The following SETBP1 variants were observed in gnomAD, a reference collection of about 807,000 sequenced individuals.
SETBP1 encodes SET-binding protein.
SETBP1 carries 9 observed loss-of-function variants against 101.0 expected under a neutral mutation model. The observed-to-expected ratio is 0.09, with a 90% CI of 0.05 to 0.16. The LOEUF (loss-of-function observed/expected upper bound fraction) is 0.16. Among genes scored for constraint, SETBP1 ranks in the 10% least tolerant of loss-of-function variants. The probability of loss-of-function intolerance (pLI) is 1.00; values close to 1 mark genes in which losing one functional copy is unlikely to be tolerated. For missense variants in SETBP1, 1,858 were observed against 2,033.8 expected (o/e 0.91, Z 1.66); for synonymous variants, 818 against 788.5 (o/e 1.04, Z -0.63).
intron 3 of SETBP1, among the ~76,000 whole-genome samples, chr18:44,914,082 TG>T (rs1301963522): frequency 9.2e-5 from 14 of 152,338 alleles, no homozygotes; most frequent in African/African-American, 3.4e-4. Context: ...GTAGAATATC[TG>T]GAGCTGCAGA....
intron 1 of SETBP1, among the ~76,000 whole-genome samples, chr18:44,692,564 T>C (rs1048607431): frequency 4.6e-5 from 7 of 152,122 alleles, no homozygotes; most frequent in African/African-American, 1.7e-4. Flanking sequence ...TCATGGAGCT[T>C]GTGGTCTAGT....
chr18:44,878,813 T>C (rs1251857540), intron 3 of SETBP1, among the ~76,000 whole-genome samples: 1 of 152,118 alleles, frequency 6.6e-6, no homozygotes, highest in East Asian at 1.9e-4. Flanking sequence ...AAGACATCCA[T>C]TGAGAGGTGT....
chr18:44,868,669 AG>A (rs1342255633), intron 2 of SETBP1, among the ~76,000 whole-genome samples: 13 of 95,056 alleles, frequency 1.4e-4, no homozygotes, highest in African/African-American at 5.9e-4. Flanking sequence ...TACTCCAGCG[AG>A]AGAGAGAGAG....
intron 4 of SETBP1, among the ~76,000 whole-genome samples, chr18:44,959,553 A>G (rs1273796332): frequency 2.0e-5 from 3 of 152,212 alleles, no homozygotes; most frequent in Non-Finnish European, 4.4e-5. Context: ...CAAAGAGACT[A>G]CAATCCAGGA....
intron 3 of SETBP1, among the ~76,000 whole-genome samples, chr18:44,896,653 G>A (rs2069909893): frequency 6.6e-6 from 1 of 151,926 alleles, no homozygotes; most frequent in Non-Finnish European, 1.5e-5. Context: ...CCACATCCAA[G>A]TAATTTTTGT....
chr18:44,951,770 C>T lies in SETBP1; in HGVS notation c.2430C>T (p.Pro810=). ...TGAAAACTATGCCAAATCTCCAGCCCATCAGTGCTCTTCCAACCAAAACCC... is the reference window on the plus strand; with the variant it reads ...TGAAAACTATGCCAAATCTCCAGCCTATCAGTGCTCTTCCAACCAAAACCC... ...SELKTMPNLQ[P]ISALPTKTQK... is the part of the protein sequence containing the mutation. The change falls in exon 4 of 6, where the codon CCC becomes CCT. Residue 810 remains proline, a synonymous_variant. Coordinates refer to ENST00000649279, the MANE Select transcript of SETBP1 (RefSeq NM_015559.3). This position sits in a 1 kb window ranked among gnomAD's most constrained non-coding sequence, Gnocchi z 7.8. The T allele has an allele frequency of 6.2e-7, 1 of 1,614,118 alleles. No homozygotes were observed. The highest frequency in any genetic ancestry group is 1.1e-5 in the South Asian group (1 of 91,070).
chr18:44,927,937 A>G (rs2070741059), intron 3 of SETBP1, among the ~76,000 whole-genome samples: 1 of 152,104 alleles, frequency 6.6e-6, no homozygotes, highest in South Asian at 2.1e-4. Context: ...ATGACATTAT[A>G]TATATAATTA....
rs556501655 is a variant in SETBP1, at chr18:45,049,819, G to T, written c.4171+11164G>T. 7.9e-5 allele frequency among the ~76,000 whole-genome samples: 12 copies of T among 152,268 alleles called. No individual in the cohort carries two copies. In the South Asian group the frequency reaches 2.3e-3, roughly 29 times the overall value. On this transcript the variant is annotated intron_variant, in intron 5 of 5. Transcript: ENST00000649279. ...GTTATTTAATTATGGAATTTAGGGG[G>T]TTGGAAAAGGCCTTCGAGATGGTGA...
intron 2 of SETBP1, among the ~76,000 whole-genome samples, chr18:44,819,572 G>T (rs1242882458): frequency 6.6e-6 from 1 of 152,166 alleles, no homozygotes; most frequent in Non-Finnish European, 1.5e-5. Context: ...GAGGACACTA[G>T]ATCCTCAGAG....
chr18:44,793,043 T>A (rs962791424), intron 2 of SETBP1, among the ~76,000 whole-genome samples: 1 of 152,160 alleles, frequency 6.6e-6, no homozygotes, highest in Non-Finnish European at 1.5e-5. Context: ...GAAGAAAGTC[T>A]CCCTGACTAT....
chr18:44,955,981 A>G (rs2071472350), intron 4 of SETBP1, among the ~76,000 whole-genome samples: 1 of 152,206 alleles, frequency 6.6e-6, no homozygotes, highest in Non-Finnish European at 1.5e-5. Flanking sequence ...CACCATGGAC[A>G]GAGCTTCCAC....
chr18:44,916,958 C>T (rs1038958173), intron 3 of SETBP1, among the ~76,000 whole-genome samples: 11 of 152,236 alleles, frequency 7.2e-5, no homozygotes, highest in Non-Finnish European at 8.8e-5. Context: ...TAAGCCGCTT[C>T]CCTGGTTTCC....
At chr18:44,842,095 A>G (rs2072629756) in intron 2 of SETBP1, among the ~76,000 whole-genome samples, 1 of 152,210 alleles carries the variant, frequency 6.6e-6, no homozygotes, top group Non-Finnish European at 1.5e-5. Context: ...TGTTCGGTAA[A>G]GAGAAAAGAA....
chr18:44,766,138 C>T (rs1183337493), intron 2 of SETBP1, among the ~76,000 whole-genome samples: 1 of 152,184 alleles, frequency 6.6e-6, no homozygotes, highest in Non-Finnish European at 1.5e-5. Flanking sequence ...AAGATAAGCT[C>T]TTTGCCTAGG....
chr18:44,707,284 A>G lies in SETBP1; in HGVS notation c.486+5452A>G, dbSNP rs199522205. Among the ~76,000 whole-genome samples the G allele has an allele frequency of 1.8e-3, 267 of 152,328 alleles. 2 individuals carry two copies. The highest frequency in any genetic ancestry group is 6.3e-3 in the African/African-American group (261 of 41,582). On this transcript the variant is annotated intron_variant, in intron 2 of 5. Transcript: ENST00000649279. ...ATATAGCTGGGGTGGCACAAGCATA[A>G]TCTGCCACATTTTCCCTAATTCTAA... is the stretch of plus-strand genomic sequence containing the variant.
chr18:44,811,424 G>A lies in SETBP1; in HGVS notation c.487-57806G>A, dbSNP rs547061418. The stretch of plus-strand genomic sequence containing the variant: ...CTGCTCCACATGCTTTGCCAAAGGA[G>A]GGAGATATCAATGAAAGTAATTACA... On this transcript the variant is annotated intron_variant, in intron 2 of 5. Coordinates refer to ENST00000649279, the MANE Select transcript of SETBP1 (RefSeq NM_015559.3). 2.6e-5 allele frequency among the ~76,000 whole-genome samples: 4 copies of A among 152,358 alleles called. No homozygotes were observed. In the South Asian group the frequency reaches 8.3e-4, roughly 32 times the overall value.
intron 3 of SETBP1, among the ~76,000 whole-genome samples, chr18:44,901,623 T>A (rs2070048146): frequency 6.6e-6 from 1 of 152,172 alleles, no homozygotes; most frequent in South Asian, 2.1e-4. Context: ...CACAGTGGGC[T>A]TGGTGACATC....
intron 4 of SETBP1, among the ~76,000 whole-genome samples, chr18:45,013,029 C>T (rs559788771): frequency 4.6e-5 from 7 of 152,300 alleles, no homozygotes; most frequent in African/African-American, 9.6e-5. Context: ...TCCTGGAAGG[C>T]GACAGGAGTA....
At chr18:44,832,773 G>A (rs1291088501) in intron 2 of SETBP1, among the ~76,000 whole-genome samples, 1 of 152,174 alleles carries the variant, frequency 6.6e-6, no homozygotes. Context: ...GCTGGTCCCT[G>A]AATGAGAAAC....
Sources: gnomAD v4.1 joint callset for allele counts (sites outside exome capture counted in the v4.1 genomes callset) on GRCh38, gnomAD v4.1.1 for gene constraint, Gnocchi (gnomAD v3.1) non-coding constraint, MANE v1.5 for transcripts, NCBI Gene and HGNC (gene_info 2026-07-23, HGNC 2026-07-21) for gene names.